PTPRD: variants seen among roughly 807,000 people sequenced by gnomAD.
The protein encoded by PTPRD is receptor-type tyrosine-protein phosphatase delta.
A neutral mutation model predicts 214.5 loss-of-function variants in PTPRD; 34 were observed. That is an observed-to-expected ratio of 0.16 (90% confidence interval 0.12 to 0.21). The LOEUF is 0.21. Ranked by LOEUF, PTPRD falls within the 10% of genes least tolerant of loss-of-function variation. The pLI, the probability that PTPRD is intolerant of heterozygous loss-of-function variation, is 1.00. For synonymous variants in PTPRD, 1,128 were observed against 845.7 expected (o/e 1.33, Z -5.79); for missense variants, 2,545 against 2,398.7 (o/e 1.06, Z -1.27).
chr9:9,501,258 A>G (rs2096405301), intron 8 of PTPRD, among the ~76,000 whole-genome samples: 1 of 152,024 alleles, frequency 6.6e-6, no homozygotes, highest in African/African-American at 2.4e-5. Flanking sequence ...TGCCTTAACA[A>G]GTTACACCTT....
intron 11 of PTPRD, among the ~76,000 whole-genome samples, chr9:8,783,886 T>C (rs563173560): frequency 2.0e-5 from 3 of 152,308 alleles, no homozygotes; most frequent in East Asian, 3.9e-4. Flanking sequence ...ACTCAATATT[T>C]ACGCTACCCC....
At chr9:10,367,337 C>G (rs1441316726) in intron 2 of PTPRD, among the ~76,000 whole-genome samples, 1 of 152,106 alleles carries the variant, frequency 6.6e-6, no homozygotes, top group African/African-American at 2.4e-5. Flanking sequence ...GAGCTCAAGT[C>G]ATCTTGACCT....
chr9:9,835,963 T>G (rs1281917078), intron 5 of PTPRD, among the ~76,000 whole-genome samples: 1 of 152,194 alleles, frequency 6.6e-6, no homozygotes, highest in Admixed American at 6.6e-5. Flanking sequence ...ATTACTCTTA[T>G]AGAATTACAC....
At position 9,384,360 on chromosome 9, in the gene PTPRD, T is replaced by G. The variant is rs1310112318; in HGVS notation, c.-203+13089A>C. 1.2e-3 allele frequency among the ~76,000 whole-genome samples: 79 copies of G among 64,906 alleles called. 2 individuals are homozygous for G. Among genetic ancestry groups the G allele is most frequent in the African/African-American group, 5.5e-3 (77 of 14,068 alleles). The allele number at this position is 64,906 out of a possible 152,430, so 42.6% of individuals were successfully genotyped here. A position where few individuals can be genotyped will look rare whatever the true frequency, so the allele number is the denominator to read the frequency against. On this transcript the variant is annotated intron_variant, in intron 9 of 45. Transcript: ENST00000381196. ...AGACTAGGCTTTTTTTTTTTTTTTTTTTTTTTTTTTTTTTTTTTTTTTTTC... is the reference window on the plus strand; with the variant it reads ...AGACTAGGCTTTTTTTTTTTTTTTTGTTTTTTTTTTTTTTTTTTTTTTTTC...
At chr9:8,991,655 A>G (rs2099367382) in intron 11 of PTPRD, among the ~76,000 whole-genome samples, 3 of 152,124 alleles carry the variant, frequency 2.0e-5, no homozygotes, top group Admixed American at 1.3e-4. Context: ...TTTTTTTCTA[A>G]TTGAAAGGCT....
chr9:9,973,947 T>C (rs1479277976), intron 4 of PTPRD, among the ~76,000 whole-genome samples: 1 of 152,182 alleles, frequency 6.6e-6, no homozygotes, highest in Non-Finnish European at 1.5e-5. Context: ...GACATTGATT[T>C]GATATTTTTA....
intron 9 of PTPRD, among the ~76,000 whole-genome samples, chr9:9,293,207 C>G (rs1167440297): frequency 6.6e-6 from 1 of 151,490 alleles, no homozygotes; most frequent in African/African-American, 2.4e-5. Flanking sequence ...ACTCATTCCT[C>G]AATTCATTTA....
chr9:8,472,245 G>A (rs1018338511), intron 30 of PTPRD, among the ~76,000 whole-genome samples: 2 of 151,998 alleles, frequency 1.3e-5, no homozygotes, highest in African/African-American at 2.4e-5. Flanking sequence ...CATACACTTC[G>A]TGGAGATTTA....
chr9:9,111,433 G>C (rs770252898), intron 10 of PTPRD, among the ~76,000 whole-genome samples: 1 of 151,798 alleles, frequency 6.6e-6, no homozygotes, highest in Non-Finnish European at 1.5e-5. Context: ...TGCTGGGTGA[G>C]TCCTCACTTT....
intron 11 of PTPRD, among the ~76,000 whole-genome samples, chr9:8,934,621 T>C (rs62529116): frequency 0.14 from 19,598 of 144,446 alleles, 1,714 homozygotes; most frequent in South Asian, 0.19. Context: ...ACATAGTTTG[T>C]GGTGAGAATG....
At chr9:9,588,903 C>T (rs940664409) in intron 7 of PTPRD, among the ~76,000 whole-genome samples, 6 of 151,786 alleles carry the variant, frequency 4.0e-5, no homozygotes, top group Non-Finnish European at 8.8e-5. Flanking sequence ...CTTTGTATCT[C>T]CATTTGGAGA....
intron 9 of PTPRD, among the ~76,000 whole-genome samples, chr9:9,258,464 G>A (rs574038909): frequency 6.6e-6 from 1 of 151,678 alleles, no homozygotes; most frequent in Non-Finnish European, 1.5e-5. Flanking sequence ...TTGAGGATGC[G>A]AGTTTTTTGA....
At chr9:9,225,768 G>T (rs2133586659) in intron 9 of PTPRD, among the ~76,000 whole-genome samples, 1 of 152,094 alleles carries the variant, frequency 6.6e-6, no homozygotes, top group South Asian at 2.1e-4. Flanking sequence ...TTGCCCAATA[G>T]AACATAAAAT....
At chr9:8,319,439 C>G (rs1004853742) in intron 45 of PTPRD, among the ~76,000 whole-genome samples, 1 of 151,866 alleles carries the variant, frequency 6.6e-6, no homozygotes, top group Non-Finnish European at 1.5e-5. Context: ...CCTCTGTAGG[C>G]ATACAGAGGG....
At chr9:9,257,609 T>C (rs543014834) in intron 9 of PTPRD, among the ~76,000 whole-genome samples, 1 of 151,990 alleles carries the variant, frequency 6.6e-6, no homozygotes, top group East Asian at 2.0e-4. Flanking sequence ...CTGGGCAGCA[T>C]AGTGAGACCC....
chr9:10,437,187 G>C (rs118158416), intron 2 of PTPRD, among the ~76,000 whole-genome samples: 1 of 151,844 alleles, frequency 6.6e-6, no homozygotes, highest in South Asian at 2.1e-4. Flanking sequence ...TATGAAATTT[G>C]AAATGGTTTT....
intron 2 of PTPRD, among the ~76,000 whole-genome samples, chr9:10,380,497 A>G (rs937092415): frequency 1.3e-5 from 2 of 152,048 alleles, no homozygotes. Flanking sequence ...AAAACGAAAC[A>G]CATATCATAG....
At position 10,551,402 on chromosome 9, in the gene PTPRD, T is replaced by C. The variant is rs183691344; in HGVS notation, c.-600+60996A>G. Among the ~76,000 whole-genome samples, 34 of 152,110 alleles carry C rather than the reference T, an allele frequency of 2.2e-4. No homozygotes were observed. In the East Asian group the frequency reaches 4.6e-3, roughly 21 times the overall value. On this transcript the variant is annotated intron_variant, in intron 2 of 45. Transcript: ENST00000381196. Reference sequence around the variant, plus strand: ...ACCGTGATTCATGTTCCTTGTGCTATGGTTTGAATGTCTATGTTCCTCAAA... The same window carrying C: ...ACCGTGATTCATGTTCCTTGTGCTACGGTTTGAATGTCTATGTTCCTCAAA...
At chr9:9,327,073 C>G (rs1166928725) in intron 9 of PTPRD, among the ~76,000 whole-genome samples, 1 of 152,146 alleles carries the variant, frequency 6.6e-6, no homozygotes, top group East Asian at 1.9e-4. Context: ...AAACATGCAG[C>G]TGTTCTGTAG....
Sources: gnomAD v4.1 joint callset for allele counts (sites outside exome capture counted in the v4.1 genomes callset) on GRCh38, gnomAD v4.1.1 for gene constraint, MANE v1.5 for transcripts, NCBI Gene and HGNC (gene_info 2026-07-23, HGNC 2026-07-21) for gene names.